The following DNAAF19 variants were observed in gnomAD, a reference collection of about 807,000 sequenced individuals.
DNAAF19 encodes the protein coiled-coil domain containing 103.
chr17:44,905,108 A>G, the DNAAF19 span: 35 of 1,456,426 alleles, frequency 2.4e-5, no homozygotes, highest in Non-Finnish European at 3.1e-5. Context: ...TTGTCCTTCA[A>G]TGTGTTTGTT....
At chr17:44,900,159 G>A in the DNAAF19 span, among the ~76,000 whole-genome samples, 3 of 152,066 alleles carry the variant, frequency 2.0e-5, no homozygotes, top group African/African-American at 7.2e-5. Flanking sequence ...TGTAATCCCA[G>A]CACTTTGGGA....
the DNAAF19 span, chr17:44,901,760 CTCT>C: frequency 3.2e-6 from 4 of 1,258,220 alleles, no homozygotes; most frequent in East Asian, 7.3e-5. Flanking sequence ...CCACACATAC[CTCT>C]TCTTTATTTG....
At chr17:44,903,425 T>TCCACCTGGGG in the DNAAF19 span, 1 of 1,251,302 alleles carries the variant, frequency 8.0e-7, no homozygotes, top group East Asian at 3.1e-5. Flanking sequence ...TCCCCCAGGT[T>TCCACCTGGGG]GATGAAAGAC....
the DNAAF19 span, chr17:44,901,428 C>A: frequency 1.4e-6 from 2 of 1,415,078 alleles, no homozygotes; most frequent in Non-Finnish European, 9.7e-7. Flanking sequence ...TGGTCCGTAA[C>A]AGGTTTATCC....
chr17:44,903,976 T>C, the DNAAF19 span: 3 of 1,550,596 alleles, frequency 1.9e-6, no homozygotes, highest in Non-Finnish European at 2.6e-6. Context: ...ACATGAGCTT[T>C]GAGCTTCCCT....
At chr17:44,904,367 C>T in the DNAAF19 span, 17 of 1,543,296 alleles carry the variant, frequency 1.1e-5, no homozygotes, top group East Asian at 9.8e-5. Context: ...CCCCTGTGAC[C>T]GCTGCGGAGT....
the DNAAF19 span, chr17:44,904,714 G>C: frequency 6.4e-7 from 1 of 1,550,498 alleles, no homozygotes; most frequent in East Asian, 2.4e-5. Flanking sequence ...CCCGGCCAGA[G>C]CATGCAGTGG....
chr17:44,900,368 G>C, the DNAAF19 span, among the ~76,000 whole-genome samples: 3 of 152,010 alleles, frequency 2.0e-5, no homozygotes, highest in Admixed American at 6.6e-5. Context: ...TACAGTGATA[G>C]AACTAAAGGC....
the DNAAF19 span, chr17:44,902,264 G>A: frequency 1.4e-5 from 20 of 1,477,476 alleles, no homozygotes; most frequent in Non-Finnish European, 1.8e-5. Flanking sequence ...ACAGTAGTGA[G>A]ATGAAGACAG....
the DNAAF19 span, among the ~76,000 whole-genome samples, chr17:44,900,437 GATGGGGT>G: frequency 6.6e-6 from 1 of 152,094 alleles, no homozygotes; most frequent in African/African-American, 2.4e-5. Flanking sequence ...GGGATTTGGG[GATGGGGT>G]CATTGAGCTC....
the DNAAF19 span, chr17:44,900,845 C>A: frequency 2.8e-6 from 2 of 709,906 alleles, no homozygotes; most frequent in Non-Finnish European, 4.3e-6. Flanking sequence ...AATAGAAAAC[C>A]AGATTTTTGT....
the DNAAF19 span, chr17:44,903,182 T>C: frequency 5.5e-6 from 7 of 1,266,412 alleles, no homozygotes; most frequent in African/African-American, 1.5e-5. Flanking sequence ...GCAAAATCTT[T>C]ATGGTAAACA....
the DNAAF19 span, chr17:44,903,147 A>G: frequency 7.9e-7 from 1 of 1,268,242 alleles, no homozygotes; most frequent in Non-Finnish European, 9.9e-7. Flanking sequence ...TACCAGTTAC[A>G]GCCTCCACTC....
At chr17:44,902,670 G>GT in the DNAAF19 span, 1 of 1,614,168 alleles carries the variant, frequency 6.2e-7, no homozygotes, top group Non-Finnish European at 8.5e-7. Flanking sequence ...GCAAGGGCTT[G>GT]TTTCAGAAGC....
At chr17:44,903,955 C>T in the DNAAF19 span, 11 of 1,550,606 alleles carry the variant, frequency 7.1e-6, no homozygotes, top group East Asian at 2.2e-4. Flanking sequence ...AAAATGCAGC[C>T]TACCTGGCCG....
chr17:44,900,268 C>G, the DNAAF19 span, among the ~76,000 whole-genome samples: 20,266 of 138,622 alleles, frequency 0.15, 1,470 homozygotes, highest in South Asian at 0.18. Context: ...TGCACTCCAG[C>G]CTGGGCAACA....
the DNAAF19 span, among the ~76,000 whole-genome samples, chr17:44,900,798 G>A: frequency 6.6e-6 from 1 of 152,230 alleles, no homozygotes; most frequent in African/African-American, 2.4e-5. Flanking sequence ...CAAGTCTTGT[G>A]TAAGTCCTCA....
the DNAAF19 span, chr17:44,905,315 T>C: frequency 1.9e-6 from 1 of 524,278 alleles, no homozygotes; most frequent in Non-Finnish European, 3.5e-6. Context: ...GTTTCCTGAC[T>C]TCACATTTAG....
the DNAAF19 span, among the ~76,000 whole-genome samples, chr17:44,901,297 C>A: frequency 6.6e-6 from 1 of 152,246 alleles, no homozygotes; most frequent in East Asian, 1.9e-4. Flanking sequence ...AATTATTTAT[C>A]TGTAGAACAG....
Sources: allele counts gnomAD v4.1 joint callset (sites outside exome capture counted in the v4.1 genomes callset), GRCh38; gene constraint gnomAD v4.1.1; transcripts MANE v1.5; gene names NCBI Gene and HGNC (gene_info 2026-07-23, HGNC 2026-07-21).